NEK5: variants seen among roughly 807,000 people sequenced by gnomAD.
NEK5 encodes the protein NIMA related kinase 5.
A neutral mutation model predicts 109.2 loss-of-function variants in NEK5; 88 were observed. The ratio of observed to expected loss-of-function variants is 0.81; its 90% CI spans 0.68 to 0.96. NEK5 has a LOEUF of 0.96. Ranked by LOEUF, NEK5 falls within the 40% of genes least tolerant of loss-of-function variation. NEK5 has a pLI of 0.00. For missense variants in NEK5, 834 were observed against 920.7 expected (o/e 0.91, Z 1.22); for synonymous variants, 283 against 299.9 (o/e 0.94, Z 0.58).
At chr13:52,060,835 A>C (rs1307437551) in intron 22 of NEK5, among the ~76,000 whole-genome samples, 1 of 152,076 alleles carries the variant, frequency 6.6e-6, no homozygotes, top group Non-Finnish European at 1.5e-5. Flanking sequence ...TATAAGAACA[A>C]ACCCTCATTA....
intron 13 of NEK5, among the ~76,000 whole-genome samples, 186 bp downstream of exon 13, chr13:52,092,868 A>G (rs909116406): frequency 7.2e-5 from 11 of 152,246 alleles, no homozygotes; most frequent in South Asian, 2.1e-4. Flanking sequence ...CCTAGGCATC[A>G]GAGTGAGACT....
Position 52,087,519 on chromosome 13 carries a change from A to C in NEK5, c.1276-65T>G, listed in dbSNP as rs113367911. On this transcript the variant is annotated intron_variant, in intron 14 of 23. Transcript: ENST00000684899. ...TTTCGGAAACATCTTCTGATTTGAC[A>C]TTGACTTTTTCCTATAAATAAGAAT... is the stretch of plus-strand genomic sequence containing the variant. The C allele has an allele frequency of 4.8e-3, 4,003 of 830,042 alleles. 91 individuals are homozygous for C. The African/African-American group carries it at 0.059, about 12-fold the overall frequency. The allele number at this position is 830,042 out of a possible 1,614,324, so 51.4% of individuals were successfully genotyped here. A position where few individuals can be genotyped will look rare whatever the true frequency, so the allele number is the denominator to read the frequency against.
At chr13:52,080,093 T>C (rs9568700) in intron 17 of NEK5, among the ~76,000 whole-genome samples, 279 of 59,958 alleles carry the variant, frequency 4.7e-3, no homozygotes, top group Non-Finnish European at 8.6e-3. Context: ...GTGAGGAGCC[T>C]ATCCGCCCGG....
chr13:52,044,698 A>G (rs1954441502), intron 23 of NEK5, among the ~76,000 whole-genome samples: 1 of 152,226 alleles, frequency 6.6e-6, no homozygotes, highest in Admixed American at 6.5e-5. Context: ...GGCTTATATC[A>G]AAAAGATTTG....
chr13:52,095,777 C>G (rs1365806678), intron 12 of NEK5, among the ~76,000 whole-genome samples: 1 of 152,132 alleles, frequency 6.6e-6, no homozygotes, highest in Non-Finnish European at 1.5e-5. Context: ...TATAGCTATT[C>G]AGGAGGCTGA....
Position 52,092,053 on chromosome 13 carries a change from A to G in NEK5, c.1208+1001T>C, listed in dbSNP as rs556207856. Among the ~76,000 whole-genome samples, 46 of 152,306 alleles carry G rather than the reference A, an allele frequency of 3.0e-4. No homozygotes were observed. In the South Asian group the frequency reaches 8.3e-3, roughly 27 times the overall value. On this transcript the variant is annotated intron_variant, in intron 13 of 23. Coordinates refer to ENST00000684899, the MANE Select transcript of NEK5 (RefSeq NM_001365552.1). ...CCATATAGTGGAATTTAGTAGGAGG[A>G]AGAAAGAATATTAAAAGAGCAAGGG...
Position 52,102,217 on chromosome 13 carries a change from A to G in NEK5, c.685T>C (p.Ser229Pro). 6.2e-7 allele frequency: 1 copy of G among 1,614,062 alleles called. No homozygotes were observed. The highest frequency in any genetic ancestry group is 8.5e-7 in the Non-Finnish European group (1 of 1,179,910). Residue 229 changes from serine (S) to proline (P), a missense_variant, in exon 10 of 24, where the codon TCT becomes CCT. Transcript: ENST00000684899. ...AHFAPISPGF[S>P]RELHSLISQL... ...GATATCAAGGAATGGAGCTCACGAG[A>G]AAACCCCGGAGATATTGGGGCAAAA... is the stretch of plus-strand genomic sequence containing the variant.
At chr13:52,053,231 G>T (rs1420789252) in intron 22 of NEK5, among the ~76,000 whole-genome samples, 2 of 152,190 alleles carry the variant, frequency 1.3e-5, no homozygotes, top group African/African-American at 4.8e-5. Flanking sequence ...AACCTGGGAG[G>T]TAGAGGGTGC....
intron 22 of NEK5, among the ~76,000 whole-genome samples, chr13:52,052,253 T>A (rs1413670073): frequency 6.6e-6 from 1 of 152,190 alleles, no homozygotes; most frequent in Non-Finnish European, 1.5e-5. Flanking sequence ...CTCCTGAGGC[T>A]TTGTCACAGA....
chr13:52,110,295 T>C (rs1447630969), intron 7 of NEK5, 45 bp downstream of exon 7: 1 of 1,169,248 alleles, frequency 8.6e-7, no homozygotes, highest in East Asian at 2.3e-5. Context: ...AATACATATT[T>C]GGGCTATTTT....
intron 21 of NEK5, among the ~76,000 whole-genome samples, chr13:52,064,384 C>T (rs1488798280): frequency 2.1e-5 from 3 of 141,968 alleles, no homozygotes; most frequent in Non-Finnish European, 4.6e-5. Context: ...CGGCCAGCCG[C>T]CCCGTCCGGG....
intron 20 of NEK5, among the ~76,000 whole-genome samples, chr13:52,070,618 G>A (rs762763955): frequency 4.6e-5 from 7 of 152,196 alleles, no homozygotes; most frequent in Non-Finnish European, 2.9e-5. Context: ...CTTCCACCAT[G>A]ATTGTGAGGC....
At chr13:52,101,366 C>T (rs1955526565) in intron 11 of NEK5, among the ~76,000 whole-genome samples, 1 of 151,934 alleles carries the variant, frequency 6.6e-6, no homozygotes, top group African/African-American at 2.4e-5. Flanking sequence ...CGCCATTGCA[C>T]TCCAGCCTGG....
Position 52,065,592 on chromosome 13 carries a change from C to A in NEK5, c.1867G>T (p.Val623Leu). ...TGCCTCCTGTTTCCCACAGCAGCTA[C>A]AGTCTGCGTGGAAAACCCTGGGTGT... is the stretch of plus-strand genomic sequence containing the variant. The part of the protein sequence containing the change: ...CPEAGFSTQT[V>L]AAVGNRRQWD... Residue 623 changes from valine to leucine, a missense_variant, in exon 21 of 24, where the codon GTA becomes TTA. Val to Leu is a conservative substitution (Grantham distance 32). Coordinates refer to ENST00000684899, the MANE Select transcript of NEK5 (RefSeq NM_001365552.1). 2.5e-6 allele frequency: 4 copies of A among 1,613,256 alleles called. No individual in the cohort carries two copies. The highest frequency in any genetic ancestry group is 3.4e-6 in the Non-Finnish European group (4 of 1,179,198).
chr13:52,125,815 G>A (rs981420520), intron 3 of NEK5, among the ~76,000 whole-genome samples: 1 of 152,104 alleles, frequency 6.6e-6, no homozygotes, highest in Non-Finnish European at 1.5e-5. Context: ...AAAAGAGAGT[G>A]AGCAGAATAA....
chr13:52,084,327 C>G (rs1224159916), intron 16 of NEK5, among the ~76,000 whole-genome samples: 1 of 151,952 alleles, frequency 6.6e-6, no homozygotes, highest in East Asian at 1.9e-4. Context: ...ACCTCAGCCT[C>G]CCAACTCAGC....
At chr13:52,040,284 C>T (rs1749687720) in intron 23 of NEK5, among the ~76,000 whole-genome samples, 1 of 151,968 alleles carries the variant, frequency 6.6e-6, no homozygotes, top group South Asian at 2.1e-4. Context: ...GGGGTTTCAC[C>T]ATGTTGGCCA....
At chr13:52,063,427 C>T (rs1593926146) in intron 21 of NEK5, among the ~76,000 whole-genome samples, 1 of 152,224 alleles carries the variant, frequency 6.6e-6, no homozygotes, top group Non-Finnish European at 1.5e-5. Flanking sequence ...TCGCTACAAC[C>T]TCCACCTCCC....
At chr13:52,108,272 C>T (rs765784056) in intron 8 of NEK5, 46 bp downstream of exon 8, 4 of 1,023,104 alleles carry the variant, frequency 3.9e-6, no homozygotes, top group Non-Finnish European at 6.1e-6. Flanking sequence ...TCAGTGTCAT[C>T]CATCAGATTT....
Sources: allele counts gnomAD v4.1 joint callset (sites outside exome capture counted in the v4.1 genomes callset), GRCh38; gene constraint gnomAD v4.1.1; transcripts MANE v1.5; gene names NCBI Gene and HGNC (gene_info 2026-07-23, HGNC 2026-07-21).